Variants in CUBN observed in about 807,000 individuals in gnomAD.
CUBN encodes cubilin, also known as 460 kDa receptor.
Under a neutral mutation model 405.3 loss-of-function variants are expected in CUBN, and 282 were observed. That is an observed-to-expected ratio of 0.70 (90% CI 0.63 to 0.77). The LOEUF (loss-of-function observed/expected upper bound fraction) is 0.77, where lower values mean the gene tolerates loss of function less well. CUBN is among the 30% of genes least tolerant of loss of function. CUBN has a pLI of 0.00. For missense variants in CUBN, 4,514 were observed against 4,475.2 expected, an observed-to-expected ratio of 1.01 and a Z score of -0.25; for synonymous variants, 1,684 against 1,617.0, an observed-to-expected ratio of 1.04 and a Z score of -0.99.
chr10:17,062,812 A>G (rs978817751), intron 22 of CUBN, among the ~76,000 whole-genome samples: 1 of 152,246 alleles, frequency 6.6e-6, no homozygotes, highest in Admixed American at 6.5e-5. Context: ...GGAGCTAGAA[A>G]TCAACAACCA....
intron 58 of CUBN, among the ~76,000 whole-genome samples, chr10:16,871,785 G>C (rs994770601): frequency 1.8e-4 from 28 of 152,288 alleles, no homozygotes; most frequent in African/African-American, 5.8e-4. Flanking sequence ...GCACAGAAGA[G>C]ATCTGAAAAG....
At chr10:17,039,379 T>G (rs1834968092) in intron 27 of CUBN, among the ~76,000 whole-genome samples, 1 of 152,226 alleles carries the variant, frequency 6.6e-6, no homozygotes, top group Admixed American at 6.5e-5. Flanking sequence ...AACTTGAACT[T>G]ACTGAACTCC....
intron 60 of CUBN, among the ~76,000 whole-genome samples, chr10:16,849,150 T>A (rs1247235827): frequency 6.6e-6 from 1 of 152,214 alleles, no homozygotes; most frequent in East Asian, 1.9e-4. Context: ...CTGTTCTTCA[T>A]CTTTCCCTTT....
At chr10:17,073,409 A>G (rs1668050587) in intron 17 of CUBN, among the ~76,000 whole-genome samples, 1 of 150,940 alleles carries the variant, frequency 6.6e-6, no homozygotes, top group South Asian at 2.1e-4. Context: ...TTTCCTTCAT[A>G]TAATAGACTA....
chr10:16,867,621 A>T (rs569782567), intron 59 of CUBN, among the ~76,000 whole-genome samples: 2 of 152,344 alleles, frequency 1.3e-5, no homozygotes, highest in East Asian at 1.9e-4. Context: ...AATCATCTTC[A>T]TGAAATACAG....
intron 59 of CUBN, among the ~76,000 whole-genome samples, chr10:16,852,309 A>C (rs1170384396): frequency 0.084 from 1,570 of 18,770 alleles, no homozygotes; most frequent in Non-Finnish European, 0.097. Context: ...CCCTCCCTCC[A>C]TCTTTCCATC....
chr10:16,934,898 C>A (rs1842457255), intron 39 of CUBN, among the ~76,000 whole-genome samples: 1 of 152,112 alleles, frequency 6.6e-6, no homozygotes, highest in South Asian at 2.1e-4. Context: ...AGAAGGAGAC[C>A]TGTTGTTTTC....
intron 54 of CUBN, among the ~76,000 whole-genome samples, chr10:16,892,700 C>T (rs1266026346): frequency 6.6e-6 from 1 of 151,888 alleles, no homozygotes; most frequent in South Asian, 2.1e-4. Context: ...TCCCGTGTTG[C>T]CCAGCCTGGT....
At chr10:16,900,285 T>A (rs929186531) in intron 53 of CUBN, among the ~76,000 whole-genome samples, 16 of 152,254 alleles carry the variant, frequency 1.1e-4, no homozygotes, top group African/African-American at 3.6e-4. Context: ...TACTTGAGAT[T>A]CCCAGGTTGT....
In CUBN at chr10:17,036,224, C is replaced by T. The variant is rs139627813; in HGVS notation, c.4017+4809G>A. 2.9e-3 allele frequency among the ~76,000 whole-genome samples: 445 copies of T among 152,150 alleles called. 2 individuals are homozygous for T. Among genetic ancestry groups the T allele is most frequent in the African/African-American group, 9.9e-3 (412 of 41,516 alleles). On this transcript the variant is annotated intron_variant, in intron 27 of 66. Transcript: ENST00000377833. ...GCTCCCTGTGCTGGGGATTTGTCAC[C>T]AAGGGAAAGTCTGGTTGTATGCAAG...
In CUBN at chr10:17,085,710, G is replaced by A; in HGVS notation, c.1997C>T (p.Thr666Ile). 3.1e-6 allele frequency: 5 copies of A among 1,614,008 alleles called. No individual in the cohort carries two copies. Among genetic ancestry groups the A allele is most frequent in the Non-Finnish European group, 3.4e-6 (4 of 1,179,938 alleles). The change falls in exon 16 of 67, where the codon ACC becomes ATC. Residue 666 changes from threonine (T) to isoleucine (I), a missense_variant. Transcript: ENST00000377833. ...YQDPLLGKFC[T>I]TFSVPPLQTT... ...CTGGAGCGGTGGGACAGAGAAAGTG[G>A]TGCAGAACTTCCCAAGAAGGGGGTC...
intron 39 of CUBN, among the ~76,000 whole-genome samples, chr10:16,936,901 G>C (rs2131601144): frequency 6.6e-6 from 1 of 152,136 alleles, no homozygotes; most frequent in South Asian, 2.1e-4. Context: ...ATTTTTAGTA[G>C]AGATGGGGTT....
At chr10:16,847,563 T>A (rs1456838655) in intron 60 of CUBN, among the ~76,000 whole-genome samples, 2 of 152,244 alleles carry the variant, frequency 1.3e-5, no homozygotes, top group Non-Finnish European at 2.9e-5. Context: ...TCTCCTACAC[T>A]TTACTAGCAG....
intron 28 of CUBN, among the ~76,000 whole-genome samples, chr10:16,992,257 G>C (rs1588559112): frequency 6.6e-6 from 1 of 152,120 alleles, no homozygotes. Context: ...GGGGGAAGGG[G>C]GGAGGGATAG....
rs181848786 is a variant in CUBN, at chr10:16,831,288, G to A, written c.10492C>T (p.Arg3498Cys). Reference protein sequence around the residue: ...RFKSDSVTSDRGYEIIWTSSP... With the variant: ...RFKSDSVTSDCGYEIIWTSSP... Reference sequence around the variant, plus strand: ...GAAGTCCAGATGATTTCATATCCACGATCAGAAGTTACACTATCACTCTTA... The same window carrying A: ...GAAGTCCAGATGATTTCATATCCACAATCAGAAGTTACACTATCACTCTTA... The change falls in exon 65 of 67, where the codon CGT becomes TGT. Residue 3498 changes from arginine to cysteine, a missense_variant. By Grantham distance (180) the Arg-to-Cys change is radical. This residue lies in a region of CUBN where 1,186 missense variants were observed against 1,186.9 expected (regional missense o/e 1.00). Coordinates refer to ENST00000377833, the MANE Select transcript of CUBN (RefSeq NM_001081.4). The A allele has an allele frequency of 1.3e-5, 21 of 1,614,032 alleles. No homozygotes were observed. Among genetic ancestry groups the A allele is most frequent in the African/African-American group, 6.7e-5 (5 of 75,046 alleles).
chr10:16,939,359 G>A (rs1342928273), intron 37 of CUBN, among the ~76,000 whole-genome samples: 1 of 152,150 alleles, frequency 6.6e-6, no homozygotes, highest in Non-Finnish European at 1.5e-5. Flanking sequence ...GGTGTGAAAA[G>A]AGGCCACAAC....
intron 59 of CUBN, among the ~76,000 whole-genome samples, chr10:16,865,791 G>A (rs548080015): frequency 6.2e-4 from 95 of 152,230 alleles, no homozygotes; most frequent in South Asian, 8.3e-4. Context: ...CAACCTGCTC[G>A]GGTACCCTTC....
chr10:16,896,633 C>G (rs1312863851), intron 54 of CUBN, among the ~76,000 whole-genome samples: 1 of 152,184 alleles, frequency 6.6e-6, no homozygotes, highest in African/African-American at 2.4e-5. Context: ...TAAGATATGT[C>G]TGAACTTACA....
At chr10:16,968,904 G>A (rs1412939718) in intron 31 of CUBN, among the ~76,000 whole-genome samples, 1 of 152,216 alleles carries the variant, frequency 6.6e-6, no homozygotes, top group Admixed American at 6.5e-5. Context: ...AATTACACCA[G>A]ACACTTGAAG....
Sources: gnomAD v4.1 joint callset for allele counts (sites outside exome capture counted in the v4.1 genomes callset) on GRCh38, gnomAD v4.1.1 for gene constraint, gnomAD v4.1.1 regional missense constraint, MANE v1.5 for transcripts, NCBI Gene and HGNC (gene_info 2026-07-23, HGNC 2026-07-21) for gene names.